COL14A1: variants seen among roughly 807,000 people sequenced by gnomAD.
The protein encoded by COL14A1 is collagen type XIV alpha 1 chain.
In COL14A1, 136 loss-of-function variants were observed where a neutral mutation model predicts 230.3. The ratio of observed to expected loss-of-function variants is 0.59; its 90% CI spans 0.51 to 0.68. COL14A1 has a LOEUF of 0.68. Ranked by LOEUF, COL14A1 falls within the 30% of genes least tolerant of loss-of-function variation. COL14A1 has a pLI of 0.00. For synonymous variants in COL14A1, 792 were observed against 784.1 expected (o/e 1.01, Z -0.17); for missense variants, 1,976 against 2,215.8 (o/e 0.89, Z 2.17).
chr8:120,300,769 G>A lies in COL14A1; in HGVS notation c.4352G>A (p.Cys1451Tyr). 6.2e-7 allele frequency: 1 copy of A among 1,613,548 alleles called. No homozygotes were observed. The highest frequency in any genetic ancestry group is 8.5e-7 in the Non-Finnish European group (1 of 1,179,662). Residue 1451 changes from cysteine (C) to tyrosine (Y), a missense_variant, in exon 36 of 48, where the codon TGC becomes TAC. Cys to Tyr is a radical substitution (Grantham distance 194). Coordinates refer to ENST00000297848, the MANE Select transcript of COL14A1 (RefSeq NM_021110.4). The stretch of plus-strand genomic sequence containing the variant: ...TCTTGCCCAGACCTTCCCCATTCCT[G>A]CTCCTGTTCTGAAACCAATGAAGTG... The part of the protein sequence containing the change: ...DESCPDLPHS[C>Y]SCSETNEVAL...
At chr8:120,222,354 A>C (rs760230266) in intron 14 of COL14A1, among the ~76,000 whole-genome samples, 4 of 152,242 alleles carry the variant, frequency 2.6e-5, no homozygotes, top group African/African-American at 7.2e-5. Context: ...CCAACACTAC[A>C]GCTTAAAATA....
At chr8:120,251,917 A>C (rs80075703) in intron 22 of COL14A1, among the ~76,000 whole-genome samples, 1 of 151,902 alleles carries the variant, frequency 6.6e-6, no homozygotes, top group East Asian at 1.9e-4. Flanking sequence ...CTCTTTTTCT[A>C]TCTATTTTGT....
chr8:120,248,917 CTTTTTTTTTTTT>C (rs71571673), intron 21 of COL14A1, among the ~76,000 whole-genome samples: 7 of 84,196 alleles, frequency 8.3e-5, no homozygotes, highest in African/African-American at 2.0e-4. Flanking sequence ...TTCAATCTTT[CTTTTTTTTTTTT>C]TTTTTTTTTT....
intron 23 of COL14A1, among the ~76,000 whole-genome samples, chr8:120,262,010 C>T (rs572185470): frequency 6.2e-4 from 95 of 152,228 alleles, no homozygotes; most frequent in African/African-American, 2.3e-3. Context: ...CAACCTGGAC[C>T]CATGGACCAG....
intron 37 of COL14A1, among the ~76,000 whole-genome samples, chr8:120,310,847 C>A (rs1217048944): frequency 6.6e-6 from 1 of 152,178 alleles, no homozygotes; most frequent in African/African-American, 2.4e-5. Context: ...TTCAGAATAC[C>A]GTTCACCCTC....
chr8:120,341,468 G>A, intron 43 of COL14A1, 108 bp downstream of exon 43: 1 of 1,179,254 alleles, frequency 8.5e-7, no homozygotes, highest in East Asian at 2.4e-5. Flanking sequence ...CATTGCAATT[G>A]TACCAGTCTC....
At chr8:120,291,876 C>A (rs943968173) in intron 34 of COL14A1, among the ~76,000 whole-genome samples, 6 of 151,946 alleles carry the variant, frequency 3.9e-5, no homozygotes, top group Non-Finnish European at 8.8e-5. Flanking sequence ...ATTATAAATG[C>A]CTCAAAATAG....
chr8:120,218,374 A>T (rs1817831061), intron 14 of COL14A1, among the ~76,000 whole-genome samples: 1 of 150,324 alleles, frequency 6.7e-6, no homozygotes, highest in Non-Finnish European at 1.5e-5. Context: ...CAGTGGCATG[A>T]TCTCAGCTCA....
chr8:120,170,877 CTCTT>C (rs540611931), intron 5 of COL14A1, among the ~76,000 whole-genome samples: 315 of 151,970 alleles, frequency 2.1e-3, no homozygotes, highest in African/African-American at 7.1e-3. Context: ...AACTTTCACT[CTCTT>C]TGTGTCTCAA....
chr8:120,297,774 G>A (rs371487015), intron 35 of COL14A1, among the ~76,000 whole-genome samples, 186 bp downstream of exon 35: 32 of 152,000 alleles, frequency 2.1e-4, no homozygotes, highest in African/African-American at 7.7e-4. Flanking sequence ...ATCACATACA[G>A]CGTGAACTGC....
chr8:120,367,184 C>T lies in COL14A1; in HGVS notation c.5091C>T (p.Ile1697=), dbSNP rs531271803. The T allele has an allele frequency of 6.2e-7, 1 of 1,612,760 alleles. No individual in the cohort carries two copies. The highest frequency in any genetic ancestry group is 1.1e-5 in the South Asian group (1 of 90,826). ...GTPGERGLTG[I]KGEKGNPGVG... is the part of the protein sequence containing the mutation. ...TATTTTAAACAGGTCTAACTGGTAT[C>T]AAAGGAGAAAAAGGAAATCCAGGCG... Residue 1697 remains isoleucine (I), a synonymous_variant, in exon 46 of 48, where the codon ATC becomes ATT. Transcript: ENST00000297848.
rs1340880124 is a variant in COL14A1, at chr8:120,135,337, C to T, written c.-38+9997C>T. ...GGAGTGCAGTGGCACAATCTTGGCT[C>T]ACTGAAACCTCCACCTTCCAGGTTC... On this transcript the variant is annotated intron_variant, in intron 1 of 47. Transcript: ENST00000297848. 2.6e-5 allele frequency among the ~76,000 whole-genome samples: 4 copies of T among 152,238 alleles called. No homozygotes were observed. The East Asian group carries it at 7.7e-4, about 29-fold the overall frequency.
At chr8:120,182,661 G>A (rs7005932) in intron 5 of COL14A1, among the ~76,000 whole-genome samples, 43,873 of 151,098 alleles carry the variant, frequency 0.29, 7,633 homozygotes, top group African/African-American at 0.49. Context: ...AAGGAAATCA[G>A]GAAATAACTA....
At chr8:120,148,961 A>G (rs1450701604) in intron 2 of COL14A1, among the ~76,000 whole-genome samples, 1 of 152,238 alleles carries the variant, frequency 6.6e-6, no homozygotes, top group Non-Finnish European at 1.5e-5. Flanking sequence ...ATTTGTTTAC[A>G]TATTGTCTGT....
Position 120,163,620 on chromosome 8 carries a change from G to C in COL14A1, c.349+1051G>C, listed in dbSNP as rs528819590. 2.0e-5 allele frequency among the ~76,000 whole-genome samples: 3 copies of C among 152,084 alleles called. No homozygotes were observed. In the South Asian group the frequency reaches 6.2e-4, roughly 32 times the overall value. On this transcript the variant is annotated intron_variant, in intron 4 of 47. Coordinates refer to ENST00000297848, the MANE Select transcript of COL14A1 (RefSeq NM_021110.4). ...CTCTACTAAAAATACAAAATTAGCC[G>C]GGCGTGGTGGCACACACCTGTAATC...
At chr8:120,356,481 C>G (rs1822989486) in intron 45 of COL14A1, among the ~76,000 whole-genome samples, 1 of 152,154 alleles carries the variant, frequency 6.6e-6, no homozygotes, top group Non-Finnish European at 1.5e-5. Flanking sequence ...TTCAGTGGTA[C>G]TTACTGAGCA....
At chr8:120,289,497 A>G in intron 33 of COL14A1, 111 bp from the exon 34 acceptor site, 20 of 894,866 alleles carry the variant, frequency 2.2e-5, no homozygotes, top group Non-Finnish European at 3.4e-5. Flanking sequence ...ATGGTGACAG[A>G]ATTCTTTCTC....
At chr8:120,327,940 T>C (rs1586868088) in intron 40 of COL14A1, among the ~76,000 whole-genome samples, 1 of 151,364 alleles carries the variant, frequency 6.6e-6, no homozygotes. Flanking sequence ...AAGTTTTGTA[T>C]TTTAGTAGAG....
chr8:120,337,594 A>C (rs948488145), intron 42 of COL14A1, among the ~76,000 whole-genome samples: 3 of 152,086 alleles, frequency 2.0e-5, no homozygotes, highest in African/African-American at 7.2e-5. Flanking sequence ...TAGGACTTGA[A>C]CCACAAGATC....
Sources: allele counts gnomAD v4.1 joint callset (sites outside exome capture counted in the v4.1 genomes callset), GRCh38; gene constraint gnomAD v4.1.1; transcripts MANE v1.5; gene names NCBI Gene and HGNC (gene_info 2026-07-23, HGNC 2026-07-21).